SAMMSON: variants seen among roughly 807,000 people sequenced by gnomAD.
The protein encoded by SAMMSON is long intergenic non-protein coding RNA 1212.
intron 8 of SAMMSON, among the ~76,000 whole-genome samples, chr3:70,356,388 A>T (rs1166735858): frequency 6.6e-6 from 1 of 152,152 alleles, no homozygotes; most frequent in Non-Finnish European, 1.5e-5. Context: ...TATATAATTT[A>T]ACCAACTTTA....
At chr3:70,010,359 C>T (rs1236068891) in intron 1 of SAMMSON, among the ~76,000 whole-genome samples, 1 of 152,110 alleles carries the variant, frequency 6.6e-6, no homozygotes, top group Non-Finnish European at 1.5e-5. Context: ...ATAGTTAGCT[C>T]TTCATGTGGA....
At chr3:70,414,472 A>G (rs1013139567) in intron 2 of SAMMSON, among the ~76,000 whole-genome samples, 6 of 152,166 alleles carry the variant, frequency 3.9e-5, no homozygotes, top group African/African-American at 1.4e-4. Context: ...AAAGGTGGCT[A>G]TACCTGCACT....
At chr3:70,133,108 A>G (rs1232553190) in intron 4 of SAMMSON, among the ~76,000 whole-genome samples, 1 of 152,158 alleles carries the variant, frequency 6.6e-6, no homozygotes, top group Non-Finnish European at 1.5e-5. Context: ...CTGAAGTGAT[A>G]TATCTTTTTA....
At chr3:70,229,176 A>G (rs957896656) in intron 4 of SAMMSON, among the ~76,000 whole-genome samples, 23 of 152,208 alleles carry the variant, frequency 1.5e-4, no homozygotes, top group African/African-American at 5.3e-4. Flanking sequence ...TTTAGTTATC[A>G]GCATCTTACA....
intron 2 of SAMMSON, among the ~76,000 whole-genome samples, chr3:70,423,962 C>A (rs1320166791): frequency 6.6e-6 from 1 of 152,216 alleles, no homozygotes; most frequent in Non-Finnish European, 1.5e-5. Context: ...GGATGTGCAC[C>A]TTTGTTGGTC....
chr3:70,092,502 TATGAC>T (rs2067308521), intron 4 of SAMMSON, among the ~76,000 whole-genome samples: 1 of 151,412 alleles, frequency 6.6e-6, no homozygotes, highest in African/African-American at 2.4e-5. Context: ...TCGAGAATCA[TATGAC>T]ATGATCATCT....
intron 4 of SAMMSON, among the ~76,000 whole-genome samples, chr3:70,218,642 G>A (rs1576159311): frequency 6.6e-6 from 1 of 152,162 alleles, no homozygotes; most frequent in Admixed American, 6.5e-5. Context: ...GTACTTGGGT[G>A]GCATAACACC....
chr3:70,244,129 A>T (rs1701683818), intron 4 of SAMMSON, among the ~76,000 whole-genome samples: 1 of 152,174 alleles, frequency 6.6e-6, no homozygotes, highest in Non-Finnish European at 1.5e-5. Context: ...CTTTGGCTCA[A>T]ATGGGAACAA....
At chr3:70,173,802 A>G (rs535509986) in intron 4 of SAMMSON, among the ~76,000 whole-genome samples, 2 of 152,076 alleles carry the variant, frequency 1.3e-5, no homozygotes, top group Non-Finnish European at 2.9e-5. Context: ...TAGCAGCACT[A>G]ATACTCATAA....
At chr3:70,074,031 C>T (rs1308120957) in intron 4 of SAMMSON, among the ~76,000 whole-genome samples, 1 of 151,662 alleles carries the variant, frequency 6.6e-6, no homozygotes, top group African/African-American at 2.4e-5. Flanking sequence ...ATTACTATTA[C>T]TATTATTATT....
intron 7 of SAMMSON, among the ~76,000 whole-genome samples, chr3:70,313,774 C>A (rs1702475573): frequency 6.6e-6 from 1 of 152,066 alleles, no homozygotes; most frequent in African/African-American, 2.4e-5. Flanking sequence ...TAAAAACTAC[C>A]TTCATCAGCC....
At chr3:70,098,329 G>A (rs1053563441) in intron 4 of SAMMSON, among the ~76,000 whole-genome samples, 4 of 152,032 alleles carry the variant, frequency 2.6e-5, no homozygotes, top group South Asian at 2.1e-4. Flanking sequence ...ATCCTGTTCC[G>A]TTCTCCCTAC....
intron 4 of SAMMSON, chr3:70,126,124 G>A (rs573517547): frequency 7.1e-6 from 9 of 1,269,838 alleles, no homozygotes; most frequent in Non-Finnish European, 1.0e-5. Flanking sequence ...GATTGTGCTG[G>A]AAGGTGGTGG....
chr3:70,017,492 A>C (rs2066991236), intron 3 of SAMMSON, among the ~76,000 whole-genome samples: 1 of 152,066 alleles, frequency 6.6e-6, no homozygotes, highest in Admixed American at 6.5e-5. Flanking sequence ...GGCTGAGACG[A>C]TGGGGTTTTC....
intron 4 of SAMMSON, among the ~76,000 whole-genome samples, chr3:70,165,459 A>C (rs554274434): frequency 6.6e-6 from 1 of 152,066 alleles, no homozygotes; most frequent in African/African-American, 2.4e-5. Context: ...ACACAGAGAG[A>C]AGGCACATCT....
chr3:70,395,148 A>T (rs1329555176), intron 2 of SAMMSON, among the ~76,000 whole-genome samples: 1 of 151,782 alleles, frequency 6.6e-6, no homozygotes, highest in East Asian at 1.9e-4. Flanking sequence ...TTTCAGGCCC[A>T]CCCTGGGGAA....
chr3:70,390,714 G>C (rs1313184510), downstream of SAMMSON, among the ~76,000 whole-genome samples: 1 of 151,908 alleles, frequency 6.6e-6, no homozygotes, highest in Non-Finnish European at 1.5e-5. Flanking sequence ...CCACCATCAG[G>C]GCTTAGGATT....
intron 4 of SAMMSON, among the ~76,000 whole-genome samples, chr3:70,175,141 G>A (rs1459017241): frequency 6.6e-6 from 1 of 152,030 alleles, no homozygotes; most frequent in African/African-American, 2.4e-5. Context: ...CTCTATTGGG[G>A]ACTTTGGTTC....
chr3:70,031,939 A>G (rs2067067782), intron 3 of SAMMSON, among the ~76,000 whole-genome samples: 1 of 152,214 alleles, frequency 6.6e-6, no homozygotes, highest in African/African-American at 2.4e-5. Context: ...AGCAACAGCT[A>G]TGTAATAATT....
Sources: allele counts gnomAD v4.1 joint callset (sites outside exome capture counted in the v4.1 genomes callset), GRCh38; gene constraint gnomAD v4.1.1; transcripts MANE v1.5; gene names NCBI Gene and HGNC (gene_info 2026-07-23, HGNC 2026-07-21).